The following CSTPP1 variants were observed in gnomAD, a reference collection of about 807,000 sequenced individuals.
CSTPP1 encodes the protein centriolar satellite-associated tubulin polyglutamylase complex regulator 1.
At chr11:47,160,057 T>G in the CSTPP1 span, 1 of 218,902 alleles carries the variant, frequency 4.6e-6, no homozygotes, top group East Asian at 1.4e-4. Context: ...ATCCCAGCAT[T>G]TGGGGAGGCT....
chr11:47,038,005 G>A, the CSTPP1 span, among the ~76,000 whole-genome samples: 4 of 123,040 alleles, frequency 3.3e-5, no homozygotes, highest in East Asian at 2.2e-4. Context: ...CCTGGACGGG[G>A]CGGCTGGCCG....
the CSTPP1 span, among the ~76,000 whole-genome samples, chr11:47,100,899 A>G: frequency 6.6e-6 from 1 of 152,130 alleles, no homozygotes; most frequent in African/African-American, 2.4e-5. Flanking sequence ...ATAGATTTTC[A>G]TAAGGAATGG....
At chr11:46,949,346 A>T in the CSTPP1 span, among the ~76,000 whole-genome samples, 1 of 152,228 alleles carries the variant, frequency 6.6e-6, no homozygotes, top group African/African-American at 2.4e-5. Context: ...AGTCTCACAT[A>T]TGCAGTCTTT....
chr11:46,943,885 A>G, the CSTPP1 span, among the ~76,000 whole-genome samples: 1 of 152,082 alleles, frequency 6.6e-6, no homozygotes, highest in Non-Finnish European at 1.5e-5. Flanking sequence ...GCTGGGTGCA[A>G]CAGCATGCAT....
At chr11:47,061,925 T>A in the CSTPP1 span, among the ~76,000 whole-genome samples, 2 of 152,158 alleles carry the variant, frequency 1.3e-5, no homozygotes, top group African/African-American at 4.8e-5. Flanking sequence ...AATGTTCTCT[T>A]TTTTTTCAAT....
chr11:46,937,428 A>T, the CSTPP1 span, among the ~76,000 whole-genome samples: 2 of 152,246 alleles, frequency 1.3e-5, no homozygotes, highest in East Asian at 1.9e-4. Context: ...AGAACTTGAG[A>T]TATTGACTTG....
the CSTPP1 span, among the ~76,000 whole-genome samples, chr11:46,967,751 C>A: frequency 6.6e-6 from 1 of 150,828 alleles, no homozygotes; most frequent in South Asian, 2.1e-4. Context: ...TTGGATTTAT[C>A]CTTAATCCTG....
chr11:47,073,064 C>CT, the CSTPP1 span, among the ~76,000 whole-genome samples: 1 of 152,136 alleles, frequency 6.6e-6, no homozygotes. Flanking sequence ...GTTGAGACTA[C>CT]TTTTTTCTTC....
chr11:47,040,310 A>T, the CSTPP1 span, among the ~76,000 whole-genome samples: 1 of 127,856 alleles, frequency 7.8e-6, no homozygotes, highest in African/African-American at 2.5e-5. Flanking sequence ...TTCATTTAAC[A>T]TCATTTTCAT....
At chr11:47,134,781 G>T in the CSTPP1 span, among the ~76,000 whole-genome samples, 156 of 152,268 alleles carry the variant, frequency 1.0e-3, 2 homozygotes, top group Non-Finnish European at 2.9e-5. Context: ...AAACGGATTT[G>T]GCTCAGGCAA....
At chr11:47,012,696 G>A in the CSTPP1 span, among the ~76,000 whole-genome samples, 3 of 152,044 alleles carry the variant, frequency 2.0e-5, no homozygotes, top group East Asian at 1.9e-4. Flanking sequence ...CTGGATTCAC[G>A]ATGGGAGCCC....
chr11:47,142,277 T>G, the CSTPP1 span, among the ~76,000 whole-genome samples: 1 of 151,972 alleles, frequency 6.6e-6, no homozygotes, highest in African/African-American at 2.4e-5. Context: ...TTGTGACTAG[T>G]TTCATGTTTT....
At chr11:47,153,311 C>T in the CSTPP1 span, among the ~76,000 whole-genome samples, 1 of 152,226 alleles carries the variant, frequency 6.6e-6, no homozygotes, top group African/African-American at 2.4e-5. Flanking sequence ...TTCTTCCCGC[C>T]CTCCAGCCTT....
the CSTPP1 span, among the ~76,000 whole-genome samples, chr11:47,111,415 C>T: frequency 6.6e-6 from 1 of 152,118 alleles, no homozygotes; most frequent in East Asian, 1.9e-4. Context: ...GGTTTGTAGT[C>T]ATTTTCATCA....
At chr11:47,137,798 G>A in the CSTPP1 span, 1 of 1,488,970 alleles carries the variant, frequency 6.7e-7, no homozygotes, top group Non-Finnish European at 9.3e-7. Context: ...GAAACCTGGA[G>A]TGTATACAAA....
At chr11:47,117,812 G>A in the CSTPP1 span, among the ~76,000 whole-genome samples, 1 of 151,410 alleles carries the variant, frequency 6.6e-6, no homozygotes. Context: ...CATATTTCTT[G>A]GAGGCTTAGT....
At chr11:47,116,324 T>C in the CSTPP1 span, among the ~76,000 whole-genome samples, 7 of 152,358 alleles carry the variant, frequency 4.6e-5, no homozygotes, top group African/African-American at 1.7e-4. Flanking sequence ...TGTAGATGTC[T>C]ATTAGGTCTG....
At chr11:47,042,852 C>T in the CSTPP1 span, among the ~76,000 whole-genome samples, 1 of 152,122 alleles carries the variant, frequency 6.6e-6, no homozygotes. Context: ...TGCAAATATG[C>T]ATTTTTAAGC....
chr11:47,117,489 C>T, the CSTPP1 span, among the ~76,000 whole-genome samples: 943 of 152,258 alleles, frequency 6.2e-3, 6 homozygotes, highest in African/African-American at 0.02. Context: ...GGGTTTCTGC[C>T]GAGAGATCCA....
Sources: allele counts gnomAD v4.1 joint callset (sites outside exome capture counted in the v4.1 genomes callset), GRCh38; gene constraint gnomAD v4.1.1; transcripts MANE v1.5; gene names NCBI Gene and HGNC (gene_info 2026-07-23, HGNC 2026-07-21).